The following PTPRD variants were observed in gnomAD, a reference collection of about 807,000 sequenced individuals.
The protein encoded by PTPRD is protein tyrosine phosphatase receptor type D, also known as receptor-type tyrosine-protein phosphatase delta.
Under a neutral mutation model 214.5 loss-of-function variants are expected in PTPRD, and 34 were observed. That is an observed-to-expected ratio of 0.16 (90% CI 0.12 to 0.21). The LOEUF is 0.21. Among genes scored for constraint, PTPRD ranks in the 10% least tolerant of loss-of-function variants. The probability of loss-of-function intolerance (pLI) is 1.00; values close to 1 mark genes in which losing one functional copy is unlikely to be tolerated. For synonymous variants in PTPRD, 1,128 were observed against 845.7 expected, an observed-to-expected ratio of 1.33 and a Z score of -5.79; for missense variants, 2,545 against 2,398.7, an observed-to-expected ratio of 1.06 and a Z score of -1.27.
chr9:10,478,238 T>A (rs1232152460), intron 2 of PTPRD, among the ~76,000 whole-genome samples: 1 of 152,198 alleles, frequency 6.6e-6, no homozygotes, highest in Admixed American at 6.5e-5. Context: ...GAAAACCTAA[T>A]AAGCATTATT....
intron 39 of PTPRD, among the ~76,000 whole-genome samples, chr9:8,359,644 A>C (rs570889789): frequency 6.6e-6 from 1 of 152,184 alleles, no homozygotes; most frequent in South Asian, 2.1e-4. Flanking sequence ...AGCTATTTGA[A>C]TTTTTAAAAG....
chr9:9,016,695 G>C (rs2099536840), intron 11 of PTPRD, among the ~76,000 whole-genome samples: 1 of 152,096 alleles, frequency 6.6e-6, no homozygotes. Flanking sequence ...TGAATCACAA[G>C]TACAAACAAC....
chr9:8,911,312 T>C (rs1278971194), intron 11 of PTPRD, among the ~76,000 whole-genome samples: 1 of 152,108 alleles, frequency 6.6e-6, no homozygotes, highest in Non-Finnish European at 1.5e-5. Context: ...CAATTGATTT[T>C]TGACAAAAGT....
rs975703805 is a variant in PTPRD, at chr9:8,338,309, T to C, written c.5379+613A>G. On this transcript the variant is annotated intron_variant, in intron 43 of 45. Coordinates refer to ENST00000381196, the MANE Select transcript of PTPRD (RefSeq NM_002839.4). ...GAACATCTTACATCAGGGCTGAACCTTGGACTCAACAATCCAGATAAGAAA... is the reference window on the plus strand; with the variant it reads ...GAACATCTTACATCAGGGCTGAACCCTGGACTCAACAATCCAGATAAGAAA... Among the ~76,000 whole-genome samples, 15 of 152,164 alleles carry C rather than the reference T, an allele frequency of 9.9e-5. 1 individual carries two copies. The South Asian group carries it at 2.5e-3, about 25-fold the overall frequency.
chr9:9,843,915 T>C (rs1449599534), intron 5 of PTPRD, among the ~76,000 whole-genome samples: 1 of 152,014 alleles, frequency 6.6e-6, no homozygotes, highest in East Asian at 1.9e-4. Flanking sequence ...ATGGCTCAGT[T>C]TGTGGGCTTA....
At chr9:9,791,664 T>C (rs887119911) in intron 5 of PTPRD, among the ~76,000 whole-genome samples, 1 of 152,160 alleles carries the variant, frequency 6.6e-6, no homozygotes, top group Admixed American at 6.5e-5. Context: ...CATTTTTGTT[T>C]CTTTGTAATT....
At chr9:8,516,337 G>T (rs1413682954) in intron 21 of PTPRD, among the ~76,000 whole-genome samples, 1 of 152,118 alleles carries the variant, frequency 6.6e-6, no homozygotes, top group African/African-American at 2.4e-5. Flanking sequence ...TAATACAACT[G>T]TGGTGAGACA....
At chr9:9,605,901 G>A (rs1490514306) in intron 7 of PTPRD, among the ~76,000 whole-genome samples, 1 of 151,980 alleles carries the variant, frequency 6.6e-6, no homozygotes, top group East Asian at 1.9e-4. Flanking sequence ...TATAAGTAAA[G>A]GCCAAAGTGC....
chr9:9,425,202 G>A (rs1373060652), intron 8 of PTPRD, among the ~76,000 whole-genome samples: 1 of 151,882 alleles, frequency 6.6e-6, no homozygotes, highest in Non-Finnish European at 1.5e-5. Context: ...TTATTGTGGT[G>A]ATGCTTGGCT....
chr9:9,288,947 G>A (rs1168632647), intron 9 of PTPRD, among the ~76,000 whole-genome samples: 1 of 151,792 alleles, frequency 6.6e-6, no homozygotes, highest in Admixed American at 6.6e-5. Context: ...TTCCCCTTAT[G>A]CCATGATTAT....
At chr9:9,378,169 A>C (rs1171708793) in intron 9 of PTPRD, among the ~76,000 whole-genome samples, 1 of 151,994 alleles carries the variant, frequency 6.6e-6, no homozygotes, top group African/African-American at 2.4e-5. Context: ...TCACCACCCC[A>C]AAATCCTCTA....
chr9:8,851,054 C>G (rs945747289), intron 11 of PTPRD, among the ~76,000 whole-genome samples: 10 of 152,088 alleles, frequency 6.6e-5, no homozygotes, highest in Non-Finnish European at 1.0e-4. Flanking sequence ...TCCTTGCCTC[C>G]ATCAATACAT....
At chr9:8,642,481 C>G (rs951156093) in intron 12 of PTPRD, among the ~76,000 whole-genome samples, 8 of 152,036 alleles carry the variant, frequency 5.3e-5, no homozygotes, top group Non-Finnish European at 1.5e-5. Flanking sequence ...TGCAGGTACC[C>G]CTGTCTTTAG....
At chr9:9,825,911 C>T (rs563786805) in intron 5 of PTPRD, among the ~76,000 whole-genome samples, 2 of 151,534 alleles carry the variant, frequency 1.3e-5, no homozygotes, top group African/African-American at 2.4e-5. Flanking sequence ...TCTTTAAGAT[C>T]TATTATTTTA....
chr9:10,055,110 T>C (rs1233173012), intron 3 of PTPRD, among the ~76,000 whole-genome samples: 4 of 152,120 alleles, frequency 2.6e-5, no homozygotes, highest in Non-Finnish European at 5.9e-5. Context: ...TCACCAGGAA[T>C]TGAATCTTCC....
intron 5 of PTPRD, among the ~76,000 whole-genome samples, chr9:9,802,434 T>G (rs931727704): frequency 6.6e-6 from 1 of 151,942 alleles, no homozygotes; most frequent in South Asian, 2.1e-4. Context: ...AGGCCATAAT[T>G]TGCTCCTAAA....
intron 8 of PTPRD, among the ~76,000 whole-genome samples, chr9:9,464,353 A>G (rs1363839845): frequency 6.6e-6 from 1 of 152,132 alleles, no homozygotes; most frequent in Non-Finnish European, 1.5e-5. Context: ...AAGTATAAAT[A>G]GTGAGTTTGA....
intron 5 of PTPRD, among the ~76,000 whole-genome samples, chr9:9,847,320 T>G (rs1384008631): frequency 1.3e-5 from 2 of 152,166 alleles, no homozygotes; most frequent in East Asian, 3.9e-4. Flanking sequence ...TTCTATGGTA[T>G]TTTGAAAATA....
chr9:8,561,556 G>T (rs1482713455), intron 14 of PTPRD, among the ~76,000 whole-genome samples: 1 of 152,198 alleles, frequency 6.6e-6, no homozygotes, highest in Non-Finnish European at 1.5e-5. Flanking sequence ...GCGAGACTCA[G>T]CGGGCTGACT....
Sources: gnomAD v4.1 joint callset for allele counts (sites outside exome capture counted in the v4.1 genomes callset) on GRCh38, gnomAD v4.1.1 for gene constraint, MANE v1.5 for transcripts, NCBI Gene and HGNC (gene_info 2026-07-23, HGNC 2026-07-21) for gene names.